The following PPFIA1 variants were observed in gnomAD, a reference collection of about 807,000 sequenced individuals.
PPFIA1 encodes liprin-alpha-1.
A neutral mutation model predicts 149.9 loss-of-function variants in PPFIA1; 25 were observed. The observed-to-expected ratio is 0.17, with a 90% CI of 0.12 to 0.23. The LOEUF is 0.23. Among genes scored for constraint, PPFIA1 ranks in the 10% least tolerant of loss-of-function variants. The pLI, the probability that PPFIA1 is intolerant of heterozygous loss-of-function variation, is 1.00. For synonymous variants in PPFIA1, 549 were observed against 552.8 expected (o/e 0.99, Z 0.10); for missense variants, 1,362 against 1,506.5 (o/e 0.90, Z 1.59).
chr11:70,353,615 G>A (rs1263927047), intron 16 of PPFIA1, among the ~76,000 whole-genome samples: 1 of 152,134 alleles, frequency 6.6e-6, no homozygotes, highest in Admixed American at 6.5e-5. Flanking sequence ...AAAACCCTGG[G>A]AGTCTGACAA....
chr11:70,289,524 C>T (rs2051383271), intron 2 of PPFIA1, among the ~76,000 whole-genome samples: 2 of 152,106 alleles, frequency 1.3e-5, no homozygotes. Context: ...TTTAGGATTC[C>T]TTAGCAATTC....
At chr11:70,351,767 G>T (rs1376632312) in intron 16 of PPFIA1, among the ~76,000 whole-genome samples, 1 of 152,192 alleles carries the variant, frequency 6.6e-6, no homozygotes, top group African/African-American at 2.4e-5. Context: ...ACAGTGCACA[G>T]TGCAGATTTG....
chr11:70,341,302 C>T (rs1200859470), intron 14 of PPFIA1, among the ~76,000 whole-genome samples: 3 of 149,786 alleles, frequency 2.0e-5, no homozygotes, highest in East Asian at 3.9e-4. Flanking sequence ...TGAGCAGGGG[C>T]GTGAAGGAGG....
intron 9 of PPFIA1, chr11:70,333,082 T>G (rs1244789836): frequency 4.3e-6 from 2 of 462,334 alleles, no homozygotes; most frequent in Admixed American, 4.7e-5. Flanking sequence ...GGAACTTACT[T>G]CCAAGCTTAG....
At position 70,326,307 on chromosome 11, in the gene PPFIA1, G is replaced by C. The variant is rs1417667192; in HGVS notation, c.652G>C (p.Asp218His). The C allele has an allele frequency of 2.5e-6, 4 of 1,609,958 alleles. No homozygotes were observed. The highest frequency in any genetic ancestry group is 3.4e-6 in the Non-Finnish European group (4 of 1,177,490). Residue 218 changes from aspartate (D) to histidine (H), a missense_variant, in exon 6 of 28, where the codon GAT (aspartate) becomes CAT (histidine). This residue lies in a region of PPFIA1 where 733 missense variants were observed against 744.1 expected (regional missense o/e 0.99). Transcript: ENST00000253925. ...GAATAATCAGAAAAAAACTCTAACA[G>C]ATGGAGTGCTGGACATAAACCATGA... ...EQNNQKKTLT[D>H]GVLDINHEQE... is the part of the protein sequence containing the mutation.
In PPFIA1 at chr11:70,326,590, CT is replaced by C. The variant is rs768095307; in HGVS notation, c.709-6del. 1.9e-4 allele frequency: 297 copies of C among 1,602,334 alleles called. No homozygotes were observed. Among genetic ancestry groups the C allele is most frequent in the East Asian group, 8.9e-4 (40 of 44,808 alleles). ...GGTATTTAAGGATTTTTTTTTCCCCCTATCAGAGATCTTCTGATGGTTCTTT... is the reference window on the plus strand; with the variant it reads ...GGTATTTAAGGATTTTTTTTTCCCCCATCAGAGATCTTCTGATGGTTCTTT... On this transcript the variant is annotated splice_polypyrimidine_tract_variant and splice_region_variant and intron_variant, in intron 6 of 27. Coordinates refer to ENST00000253925, the MANE Select transcript of PPFIA1 (RefSeq NM_003626.5).
At chr11:70,344,849 A>G (rs1369482439) in intron 15 of PPFIA1, among the ~76,000 whole-genome samples, 4 of 152,170 alleles carry the variant, frequency 2.6e-5, no homozygotes, top group East Asian at 1.9e-4. Context: ...ACAAATTACT[A>G]CGGAGCTCAG....
chr11:70,306,411 C>T (rs991524774), intron 2 of PPFIA1, among the ~76,000 whole-genome samples: 3 of 152,004 alleles, frequency 2.0e-5, no homozygotes, highest in African/African-American at 7.2e-5. Context: ...TCTGGTGTCT[C>T]CTTTTAATAG....
At chr11:70,344,026 C>G (rs983852705) in intron 15 of PPFIA1, 134 bp downstream of exon 15, 5 of 876,994 alleles carry the variant, frequency 5.7e-6, no homozygotes, top group Non-Finnish European at 8.6e-6. Flanking sequence ...TACTTAACTT[C>G]TGTTTTAAGA....
chr11:70,315,422 A>G (rs1222369757), intron 2 of PPFIA1, among the ~76,000 whole-genome samples: 1 of 152,158 alleles, frequency 6.6e-6, no homozygotes. Context: ...ATAGATGTTT[A>G]TTAGCATACT....
chr11:70,279,116 G>T, intron 2 of PPFIA1: 1 of 542,672 alleles, frequency 1.8e-6, no homozygotes, highest in Non-Finnish European at 3.4e-6. Flanking sequence ...CTGCGGTGAG[G>T]TACTCCAGGA....
intron 2 of PPFIA1, among the ~76,000 whole-genome samples, chr11:70,273,961 G>A (rs1051232446): frequency 2.0e-5 from 3 of 152,156 alleles, no homozygotes; most frequent in East Asian, 1.9e-4. Context: ...ACAGTTAGTC[G>A]CAGGCTGTGG....
At chr11:70,276,078 A>AT (rs1404376963) in intron 2 of PPFIA1, among the ~76,000 whole-genome samples, 2 of 151,984 alleles carry the variant, frequency 1.3e-5, no homozygotes, top group Non-Finnish European at 2.9e-5. Flanking sequence ...CAGTCATGTG[A>AT]TTTTTCTGTT....
At chr11:70,291,965 G>A (rs1386157709) in intron 2 of PPFIA1, among the ~76,000 whole-genome samples, 1 of 151,532 alleles carries the variant, frequency 6.6e-6, no homozygotes, top group African/African-American at 2.4e-5. Flanking sequence ...AGCCTCCCGA[G>A]TAGCTGGGAC....
At chr11:70,287,631 T>C (rs934511243) in intron 2 of PPFIA1, among the ~76,000 whole-genome samples, 6 of 151,536 alleles carry the variant, frequency 4.0e-5, no homozygotes, top group Admixed American at 4.0e-4. Flanking sequence ...ACCCGGCCTT[T>C]TTTTTTTGTT....
intron 7 of PPFIA1, chr11:70,329,929 A>G (rs1001483210): frequency 2.7e-5 from 11 of 409,538 alleles, no homozygotes; most frequent in African/African-American, 4.2e-5. Context: ...CTCTGACTCA[A>G]AAAACAAAAT....
chr11:70,331,777 C>G (rs904549223), intron 8 of PPFIA1, among the ~76,000 whole-genome samples, 183 bp from the exon 9 acceptor site: 1 of 134,060 alleles, frequency 7.5e-6, no homozygotes, highest in East Asian at 2.0e-4. Flanking sequence ...GAGACTATGT[C>G]TCAAAAACAA....
At chr11:70,344,836 A>G (rs558387055) in intron 15 of PPFIA1, among the ~76,000 whole-genome samples, 23 of 151,912 alleles carry the variant, frequency 1.5e-4, no homozygotes, top group Non-Finnish European at 2.2e-4. Flanking sequence ...CTGTTGGTGT[A>G]GAACAAATTA....
chr11:70,365,769 C>T, intron 21 of PPFIA1: 2 of 370,814 alleles, frequency 5.4e-6, no homozygotes, highest in Non-Finnish European at 1.1e-5. Flanking sequence ...CTGCTCCTTG[C>T]ATGAGAAGTT....
Sources: gnomAD v4.1 joint callset for allele counts (sites outside exome capture counted in the v4.1 genomes callset) on GRCh38, gnomAD v4.1.1 for gene constraint, gnomAD v4.1.1 regional missense constraint, MANE v1.5 for transcripts, NCBI Gene and HGNC (gene_info 2026-07-23, HGNC 2026-07-21) for gene names.